The following BAIAP2L2 variants were observed in gnomAD, a reference collection of about 807,000 sequenced individuals.
BAIAP2L2 encodes BAR/IMD domain containing adaptor protein 2 like 2.
A neutral mutation model predicts 60.4 loss-of-function variants in BAIAP2L2; 65 were observed. The ratio of observed to expected loss-of-function variants is 1.08; its 90% confidence interval spans 0.88 to 1.32. The LOEUF (loss-of-function observed/expected upper bound fraction) is 1.32, where lower values mean the gene tolerates loss of function less well. Among genes scored for constraint, BAIAP2L2 ranks in the 40% most tolerant of loss-of-function variants. The pLI, the probability that BAIAP2L2 is intolerant of heterozygous loss-of-function variation, is 0.00. For missense variants in BAIAP2L2, 836 were observed against 741.2 expected, an observed-to-expected ratio of 1.13 and a Z score of -1.48; for synonymous variants, 344 against 301.7, an observed-to-expected ratio of 1.14 and a Z score of -1.45.
At chr22:38,089,263 C>CGGGGGGGGGGGGGGGGG (rs1274367926) in intron 8 of BAIAP2L2, 32 bp from the exon 9 acceptor site, 1 of 20,680 alleles carries the variant, frequency 4.8e-5, no homozygotes, top group Non-Finnish European at 7.8e-5. Flanking sequence ...GAGGGTGGGG[C>CGGGGGGGGGGGGGGGGG]GGGGGGGGGG....
rs749408989 is a variant in BAIAP2L2 at position 38,085,319 on chromosome 22, G to A, written c.1571C>T (p.Ser524Leu). The change falls in exon 14 of 14, where the codon TCA becomes TTA. Residue 524 changes from serine to leucine, a missense_variant. Physicochemically the swap from Ser to Leu is moderately radical, Grantham distance 145 (BLOSUM62 -2). Coordinates refer to ENST00000381669, the MANE Select transcript of BAIAP2L2 (RefSeq NM_025045.6). Reference protein sequence around the residue: ...KLRPTITNDRSAPLIR With the variant: ...KLRPTITNDRLAPLIR Reference sequence around the variant, plus strand: ...CCCGCCTCAGCGGATGAGGGGTGCTGAGCGGTCATTGGTGATGGTGGGACG... The same window carrying A: ...CCCGCCTCAGCGGATGAGGGGTGCTAAGCGGTCATTGGTGATGGTGGGACG... 1.2e-6 allele frequency: 2 copies of A among 1,613,944 alleles called. No homozygotes were observed. Among genetic ancestry groups the A allele is most frequent in the African/African-American group, 1.3e-5 (1 of 74,932 alleles).
chr22:38,098,592 C>G, intron 4 of BAIAP2L2, 110 bp from the exon 5 acceptor site: 1 of 760,622 alleles, frequency 1.3e-6, no homozygotes, highest in Non-Finnish European at 2.1e-6. Flanking sequence ...TCCTAATATA[C>G]CAGGCACCTG....
chr22:38,098,546 C>G (rs529221845), intron 4 of BAIAP2L2, 64 bp from the exon 5 acceptor site: 20 of 1,367,702 alleles, frequency 1.5e-5, no homozygotes, highest in African/African-American at 1.4e-4. Flanking sequence ...CCAGCACCCC[C>G]TTGCACTTTC....
rs1208714390 is a variant in BAIAP2L2 at position 38,089,811 on chromosome 22, A to G, written c.613-137T>C. 13 of 868,278 alleles carry G rather than the reference A, an allele frequency of 1.5e-5. No individual in the cohort carries two copies. In the South Asian group the frequency reaches 2.4e-4, roughly 16 times the overall value. The allele number at this position is 868,278 out of a possible 1,614,324, so 53.8% of individuals were successfully genotyped here. On this transcript the variant is annotated intron_variant, in intron 7 of 13. Transcript: ENST00000381669. ...CCGGATTTTCTAGCTGGAAGGAGCC[A>G]GAAGCCAGCTCACCGTCCAACCCGC...
At chr22:38,098,341 C>A in intron 5 of BAIAP2L2, 70 bp downstream of exon 5, 3 of 1,516,840 alleles carry the variant, frequency 2.0e-6, no homozygotes, top group Non-Finnish European at 2.7e-6. Flanking sequence ...CTGTGTGTGC[C>A]TACCTGTCAA....
chr22:38,098,016 TGC>T, intron 6 of BAIAP2L2, 45 bp downstream of exon 6: 6 of 789,058 alleles, frequency 7.6e-6, no homozygotes, highest in Non-Finnish European at 1.0e-5. Context: ...CCCCGAGGTC[TGC>T]CCACCCGCCC....
Position 38,105,103 on chromosome 22 carries a change from T to G in BAIAP2L2, c.276+2749A>C, listed in dbSNP as rs1446410608. On this transcript the variant is annotated intron_variant, in intron 4 of 13. Transcript: ENST00000381669. ...CAAACATTTTTTAAAACATTCTAAG[T>G]CAGATCCTGTCCCTCCTTGGCTCAA... Among the ~76,000 whole-genome samples, 3 of 152,126 alleles carry G rather than the reference T, an allele frequency of 2.0e-5. No individual in the cohort carries two copies. In the East Asian group the frequency reaches 5.8e-4, roughly 29 times the overall value.
rs3747168 is a variant in BAIAP2L2, at chr22:38,087,240, G to A, written c.1143C>T (p.Tyr381=). 1.5e-3 allele frequency: 2,484 copies of A among 1,606,824 alleles called. 63 individuals carry two copies. The East Asian group carries it at 0.049, about 32-fold the overall frequency. Residue 381 remains tyrosine, a synonymous_variant, in exon 11 of 14, where the codon TAC becomes TAT. Transcript: ENST00000381669. The stretch of plus-strand genomic sequence containing the variant: ...CGGGCCCCTCCTCCAGAGCCTTCAC[G>A]TACGCCTCGGGGAACCAACCGCTCC... ...SSASGWFPEA[Y]VKALEEGPVN... is the part of the protein sequence containing the mutation.
At position 38,104,800 on chromosome 22, in the gene BAIAP2L2, A is replaced by AT. The variant is rs956069551; in HGVS notation, c.276+3051dup. Among the ~76,000 whole-genome samples the AT allele has an allele frequency of 6.5e-4, 96 of 147,692 alleles. 1 individual carries two copies. Among genetic ancestry groups the AT allele is most frequent in the Admixed American group, 6.8e-4 (10 of 14,812 alleles). On this transcript the variant is annotated intron_variant, in intron 4 of 13. Transcript: ENST00000381669. Reference sequence around the variant, plus strand: ...CGTGAGCCACCACACCCAGCCAAAAATTTTTTTTTTTTTAAGAGTGAAACC... The same window carrying AT: ...CGTGAGCCACCACACCCAGCCAAAAATTTTTTTTTTTTTTAAGAGTGAAACC...
rs764609892 is a variant in BAIAP2L2 at position 38,108,258 on chromosome 22, G to C, written c.211C>G (p.Leu71Val). 1 of 1,612,138 alleles carries C rather than the reference G, an allele frequency of 6.2e-7. No individual in the cohort carries two copies. Among genetic ancestry groups the C allele is most frequent in the South Asian group, 1.1e-5 (1 of 90,876 alleles). Residue 71 changes from leucine (L) to valine (V), a missense_variant, in exon 3 of 14, where the codon CTG (leucine) becomes GTG (valine). Transcript: ENST00000381669. ...TGCTGTGGAGGGGGAGCCTCACCCAGAATCTGTGAGGTGGGGCTCTGCAGG... is the reference window on the plus strand; with the variant it reads ...TGCTGTGGAGGGGGAGCCTCACCCACAATCTGTGAGGTGGGGCTCTGCAGG... ...RALQSPTSQI[L>V]GEILVQMSDT...
chr22:38,105,339 CTTTT>C (rs1035690122), intron 4 of BAIAP2L2, among the ~76,000 whole-genome samples: 5,872 of 94,568 alleles, frequency 0.062, 110 homozygotes, highest in Non-Finnish European at 0.097. Flanking sequence ...TTTTTCTTTT[CTTTT>C]TTTTTTTTTT....
intron 1 of BAIAP2L2, among the ~76,000 whole-genome samples, chr22:38,109,476 C>T (rs570786060): frequency 1.2e-4 from 19 of 152,274 alleles, no homozygotes; most frequent in Non-Finnish European, 2.4e-4. Flanking sequence ...CTGGCGGGAC[C>T]GAGGTGCCTC....
chr22:38,088,634 G>C, intron 10 of BAIAP2L2, 114 bp downstream of exon 10: 1 of 1,091,166 alleles, frequency 9.2e-7, no homozygotes, highest in African/African-American at 1.6e-5. Flanking sequence ...GAGGAGCATT[G>C]TCCGAGGCCC....
intron 2 of BAIAP2L2, 91 bp downstream of exon 2, chr22:38,109,042 G>C (rs1488353404): frequency 2.7e-6 from 3 of 1,102,752 alleles, no homozygotes; most frequent in Non-Finnish European, 4.1e-6. Context: ...GGATGAACAG[G>C]TGTGGGATGC....
At chr22:38,092,849 C>T (rs943752968) in intron 7 of BAIAP2L2, among the ~76,000 whole-genome samples, 2 of 151,904 alleles carry the variant, frequency 1.3e-5, no homozygotes, top group Non-Finnish European at 2.9e-5. Flanking sequence ...GGTATGAGTT[C>T]ATGCAAGATC....
chr22:38,098,201 G>C (rs764193292), intron 5 of BAIAP2L2, 22 bp from the exon 6 acceptor site: 2 of 1,610,014 alleles, frequency 1.2e-6, no homozygotes, highest in East Asian at 2.2e-5. Context: ...TGGAGTCGGG[G>C]AGGGAGAATC....
intron 1 of BAIAP2L2, among the ~76,000 whole-genome samples, chr22:38,109,724 G>C (rs1022213177): frequency 6.6e-6 from 1 of 152,068 alleles, no homozygotes; most frequent in East Asian, 1.9e-4. Flanking sequence ...GGCTGGGGCC[G>C]GGCAGAGAGC....
At chr22:38,089,000 A>G (rs770243511) in intron 9 of BAIAP2L2, 36 bp from the exon 10 acceptor site, 2 of 1,471,206 alleles carry the variant, frequency 1.4e-6, no homozygotes, top group African/African-American at 1.4e-5. Context: ...CGTGGGCAGG[A>G]AGTTCTTCCT....
chr22:38,089,366 CGCGGAGAACGCGCCGGG>C (rs1302118621), intron 8 of BAIAP2L2, 135 bp from the exon 9 acceptor site: 5 of 551,218 alleles, frequency 9.1e-6, no homozygotes, highest in Non-Finnish European at 1.3e-5. Flanking sequence ...ACCACGGGGG[CGCGGAGAACGCGCCGGG>C]GCGGAAGGGC....
Sources: gnomAD v4.1 joint callset for allele counts (sites outside exome capture counted in the v4.1 genomes callset) on GRCh38, gnomAD v4.1.1 for gene constraint, MANE v1.5 for transcripts, NCBI Gene and HGNC (gene_info 2026-07-23, HGNC 2026-07-21) for gene names.